PCDH15: variants seen among roughly 807,000 people sequenced by gnomAD.
PCDH15 encodes protocadherin related 15.
In PCDH15, 129 loss-of-function variants were observed where a neutral mutation model predicts 178.5. The ratio of observed to expected loss-of-function variants is 0.72; its 90% CI spans 0.63 to 0.84. PCDH15 has a LOEUF of 0.84. Among genes scored for constraint, PCDH15 ranks in the 40% least tolerant of loss-of-function variants. The probability of loss-of-function intolerance (pLI) is 0.00; values close to 1 mark genes in which losing one functional copy is unlikely to be tolerated. For synonymous variants in PCDH15, 800 were observed against 732.0 expected (o/e 1.09, Z -1.50); for missense variants, 2,230 against 2,099.9 (o/e 1.06, Z -1.21).
intron 2 of PCDH15, among the ~76,000 whole-genome samples, chr10:55,582,626 A>ATTTTTTTT (rs1413632977): frequency 9.8e-5 from 6 of 61,228 alleles, no homozygotes; most frequent in Middle Eastern, 9.8e-3. Flanking sequence ...ATATATATAT[A>ATTTTTTTT]TATTTTTTTT....
chr10:54,254,627 C>A (rs530696722), intron 8 of PCDH15, among the ~76,000 whole-genome samples: 1 of 152,156 alleles, frequency 6.6e-6, no homozygotes, highest in African/African-American at 2.4e-5. Flanking sequence ...TACTGAAGGA[C>A]CTTGGGAGAT....
chr10:55,442,556 A>G (rs895967794), intron 2 of PCDH15, among the ~76,000 whole-genome samples: 1 of 147,914 alleles, frequency 6.8e-6, no homozygotes, highest in African/African-American at 2.5e-5. Context: ...TATCTGTGAC[A>G]AATTAATTAT....
At chr10:55,142,246 A>T (rs1029011713) in intron 2 of PCDH15, among the ~76,000 whole-genome samples, 3 of 152,142 alleles carry the variant, frequency 2.0e-5, no homozygotes, top group Non-Finnish European at 4.4e-5. Flanking sequence ...TATTATAGAA[A>T]AAAAGAACAA....
At chr10:53,945,736 G>A (rs2086488797) in intron 23 of PCDH15, among the ~76,000 whole-genome samples, 1 of 150,834 alleles carries the variant, frequency 6.6e-6, no homozygotes, top group Non-Finnish European at 1.5e-5. Context: ...TGAGACAAAT[G>A]AACGTATTTG....
At chr10:54,407,481 A>G (rs1379564041) in intron 3 of PCDH15, among the ~76,000 whole-genome samples, 1 of 152,104 alleles carries the variant, frequency 6.6e-6, no homozygotes, top group African/African-American at 2.4e-5. Context: ...TGGCTCCAGG[A>G]TAGTTTGTTA....
rs1197864749 is a variant in PCDH15, at chr10:54,404,252, G to A, written c.158-25310C>T. Reference sequence around the variant, plus strand: ...AAAAATACAGAGCTGGAAGCATCTGGCTACCCAACTTCAAATTATACTACA... The same window carrying A: ...AAAAATACAGAGCTGGAAGCATCTGACTACCCAACTTCAAATTATACTACA... On this transcript the variant is annotated intron_variant, in intron 3 of 37. Coordinates refer to ENST00000644397, the MANE Select transcript of PCDH15 (RefSeq NM_001384140.1). Among the ~76,000 whole-genome samples the A allele has an allele frequency of 5.9e-5, 9 of 151,844 alleles. 1 individual carries two copies. Among genetic ancestry groups the A allele is most frequent in the Admixed American group, 5.9e-4 (9 of 15,206 alleles).
chr10:55,538,880 C>T (rs199723397), intron 2 of PCDH15, among the ~76,000 whole-genome samples: 22 of 33,114 alleles, frequency 6.6e-4, no homozygotes, highest in African/African-American at 2.6e-3. Flanking sequence ...CTTCCTTCCT[C>T]CCTTCCTTCC....
chr10:54,213,945 C>G lies in PCDH15; in HGVS notation c.1089G>C (p.Leu363Phe). ...TATTAGCTTAATTTACCTTAATAAC[C>G]AAATCAAATTTCTGGTGAAAGTCTC... ...VNRDFHQKFD[L>F]VIKAEQDNGH... Residue 363 changes from leucine (L) to phenylalanine (F), a missense_variant, in exon 10 of 38, where the codon TTG becomes TTC. By Grantham distance (22) the Leu-to-Phe change is conservative. Transcript: ENST00000644397. 1.9e-6 allele frequency: 3 copies of G among 1,581,212 alleles called. No individual in the cohort carries two copies. Among genetic ancestry groups the G allele is most frequent in the Non-Finnish European group, 2.6e-6 (3 of 1,150,684 alleles).
chr10:55,542,333 C>T (rs1355188877), intron 2 of PCDH15, among the ~76,000 whole-genome samples: 1 of 149,680 alleles, frequency 6.7e-6, no homozygotes, highest in African/African-American at 2.4e-5. Context: ...TACCCTATGC[C>T]CCTTGAATAT....
At chr10:54,779,982 T>C (rs1950204977) in intron 1 of PCDH15, among the ~76,000 whole-genome samples, 3 of 152,192 alleles carry the variant, frequency 2.0e-5, no homozygotes. Flanking sequence ...GGCAAGCATA[T>C]AAGAAATATT....
chr10:55,060,917 C>T (rs1233016593), intron 2 of PCDH15, among the ~76,000 whole-genome samples: 2 of 151,870 alleles, frequency 1.3e-5, no homozygotes, highest in East Asian at 3.9e-4. Context: ...TAGACTTTCA[C>T]AAAAACAAAA....
chr10:55,080,309 G>A (rs933362326), intron 2 of PCDH15, among the ~76,000 whole-genome samples: 2 of 152,120 alleles, frequency 1.3e-5, no homozygotes, highest in African/African-American at 2.4e-5. Flanking sequence ...ATTCTCATAG[G>A]AGTGCAAACC....
chr10:55,108,118 T>C (rs1837403499), intron 2 of PCDH15, among the ~76,000 whole-genome samples: 1 of 152,148 alleles, frequency 6.6e-6, no homozygotes. Flanking sequence ...GAACAAGGAA[T>C]CAGGCCTTCA....
At chr10:54,007,573 C>G (rs1589878767) in intron 20 of PCDH15, among the ~76,000 whole-genome samples, 1 of 152,072 alleles carries the variant, frequency 6.6e-6, no homozygotes, top group Admixed American at 6.5e-5. Context: ...TTTGTTTGAT[C>G]ATCACAGGTT....
intron 25 of PCDH15, among the ~76,000 whole-genome samples, chr10:53,910,043 T>C (rs2593139): frequency 0.76 from 116,075 of 152,164 alleles, 44,963 homozygotes; most frequent in East Asian, 1. Context: ...CTCAACAAGG[T>C]CTGCTGCCTC....
At chr10:55,603,096 A>G (rs1363293783) in intron 2 of PCDH15, among the ~76,000 whole-genome samples, 1 of 152,188 alleles carries the variant, frequency 6.6e-6, no homozygotes, top group Non-Finnish European at 1.5e-5. Flanking sequence ...AGAATGCAGA[A>G]GCCTCAGGAG....
intron 2 of PCDH15, among the ~76,000 whole-genome samples, chr10:54,636,924 T>C (rs930456197): frequency 1.3e-5 from 2 of 152,010 alleles, no homozygotes; most frequent in African/African-American, 4.8e-5. Flanking sequence ...TATAGCCATA[T>C]TGAGACATAC....
chr10:53,956,242 G>A (rs146019168), intron 23 of PCDH15, among the ~76,000 whole-genome samples: 1,556 of 152,044 alleles, frequency 0.01, 7 homozygotes, highest in Non-Finnish European at 0.017. Context: ...TCAGTCAAAC[G>A]GCAGAATTCA....
chr10:54,505,644 CG>C (rs1258753731), intron 3 of PCDH15, among the ~76,000 whole-genome samples: 1 of 151,400 alleles, frequency 6.6e-6, no homozygotes, highest in African/African-American at 2.4e-5. Flanking sequence ...TGGGGCCTGT[CG>C]GGGGGTCGGG....
Sources: allele counts gnomAD v4.1 joint callset (sites outside exome capture counted in the v4.1 genomes callset), GRCh38; gene constraint gnomAD v4.1.1; transcripts MANE v1.5; gene names NCBI Gene and HGNC (gene_info 2026-07-23, HGNC 2026-07-21).